Variants in TENM4 observed in about 807,000 individuals in gnomAD.
TENM4 encodes teneurin-4.
A neutral mutation model predicts 243.3 loss-of-function variants in TENM4; 82 were observed. That is an observed-to-expected ratio of 0.34 (90% confidence interval 0.28 to 0.40). The LOEUF (loss-of-function observed/expected upper bound fraction) is 0.40, where lower values mean the gene tolerates loss of function less well. Ranked by LOEUF, TENM4 falls within the 10% of genes least tolerant of loss-of-function variation. TENM4 has a pLI of 1.00. For synonymous variants in TENM4, 1,412 were observed against 1,456.3 expected (o/e 0.97, Z 0.69); for missense variants, 3,138 against 3,673.3 (o/e 0.85, Z 3.77).
chr11:78,744,119 T>C (rs965925510), intron 19 of TENM4, among the ~76,000 whole-genome samples: 11 of 152,228 alleles, frequency 7.2e-5, no homozygotes, highest in African/African-American at 2.7e-4. Flanking sequence ...TGTAAGAACA[T>C]TACCTGGGCC....
intron 4 of TENM4, among the ~76,000 whole-genome samples, chr11:79,083,277 G>A (rs4944222): frequency 0.26 from 40,222 of 152,120 alleles, 5,468 homozygotes; most frequent in East Asian, 0.4. Context: ...GCAAGCCTTC[G>A]GCCTCCGTGC....
At chr11:79,094,863 G>T (rs1861042457) in intron 4 of TENM4, among the ~76,000 whole-genome samples, 1 of 152,198 alleles carries the variant, frequency 6.6e-6, no homozygotes, top group South Asian at 2.1e-4. Context: ...CCTGATTTAC[G>T]AGGCTGCCTG....
At chr11:79,328,984 C>T (rs1331713062) in intron 1 of TENM4, among the ~76,000 whole-genome samples, 1 of 152,182 alleles carries the variant, frequency 6.6e-6, no homozygotes, top group Admixed American at 6.5e-5. Flanking sequence ...ACCGTCTCTA[C>T]AAAACTGTCC....
At chr11:78,799,713 C>G (rs1207322359) in intron 15 of TENM4, among the ~76,000 whole-genome samples, 1 of 152,234 alleles carries the variant, frequency 6.6e-6, no homozygotes, top group East Asian at 1.9e-4. Context: ...CACTGAATCT[C>G]TAAAACATCT....
chr11:78,738,122 G>A (rs1855840370), intron 20 of TENM4, among the ~76,000 whole-genome samples: 3 of 152,210 alleles, frequency 2.0e-5, no homozygotes, highest in African/African-American at 7.2e-5. Context: ...AACAGGAATG[G>A]CTGAGATTTC....
chr11:78,891,908 T>A (rs1237345304), intron 7 of TENM4, among the ~76,000 whole-genome samples: 1 of 152,150 alleles, frequency 6.6e-6, no homozygotes, highest in African/African-American at 2.4e-5. Flanking sequence ...TCTAAAGCCA[T>A]GGTTCTCCAA....
intron 3 of TENM4, among the ~76,000 whole-genome samples, chr11:79,165,148 G>T (rs1005521126): frequency 6.6e-6 from 1 of 151,920 alleles, no homozygotes. Flanking sequence ...TTTTCTCTGG[G>T]TATCTACCCA....
At chr11:79,301,245 T>G (rs1294106369) in intron 1 of TENM4, among the ~76,000 whole-genome samples, 1 of 152,228 alleles carries the variant, frequency 6.6e-6, no homozygotes, top group Non-Finnish European at 1.5e-5. Context: ...ATGTGTTCCT[T>G]TTCCTCACAA....
intron 1 of TENM4, among the ~76,000 whole-genome samples, chr11:79,399,886 A>T (rs481263): frequency 0.34 from 50,918 of 151,874 alleles, 8,429 homozygotes; most frequent in South Asian, 0.38. Context: ...CATGTATATA[A>T]AGTGCCCAGC....
At chr11:79,079,737 G>A (rs1188506868) in intron 4 of TENM4, among the ~76,000 whole-genome samples, 1 of 150,696 alleles carries the variant, frequency 6.6e-6, no homozygotes, top group African/African-American at 2.5e-5. Flanking sequence ...GCTGAGGCAT[G>A]AGAATTGCTT....
At chr11:79,304,794 G>A (rs997030208) in intron 1 of TENM4, among the ~76,000 whole-genome samples, 18 of 152,110 alleles carry the variant, frequency 1.2e-4, no homozygotes, top group African/African-American at 2.7e-4. Flanking sequence ...AGCTGCCTCC[G>A]CTGCAGGTGC....
At chr11:78,825,028 T>C (rs1324711995) in intron 12 of TENM4, among the ~76,000 whole-genome samples, 3 of 152,214 alleles carry the variant, frequency 2.0e-5, no homozygotes, top group African/African-American at 7.2e-5. Flanking sequence ...CTCCAGCCAC[T>C]CGCAAATGTA....
At chr11:79,338,266 G>C (rs1857186613) in intron 1 of TENM4, among the ~76,000 whole-genome samples, 1 of 152,228 alleles carries the variant, frequency 6.6e-6, no homozygotes, top group Admixed American at 6.5e-5. Context: ...TAGACAACAA[G>C]AAGAGCTGCT....
chr11:78,809,257 C>G (rs76769454), intron 14 of TENM4, among the ~76,000 whole-genome samples: 1 of 152,138 alleles, frequency 6.6e-6, no homozygotes, highest in Non-Finnish European at 1.5e-5. Flanking sequence ...AAGGAACTGA[C>G]GAGAGGCTAC....
intron 16 of TENM4, among the ~76,000 whole-genome samples, chr11:78,782,460 G>A (rs994354860): frequency 3.9e-5 from 6 of 152,312 alleles, no homozygotes; most frequent in Non-Finnish European, 7.4e-5. Flanking sequence ...AGCCAGGTGT[G>A]GTGGCGGGCG....
At chr11:78,716,978 A>AG (rs141644672) in intron 25 of TENM4, among the ~76,000 whole-genome samples, 2,789 of 152,306 alleles carry the variant, frequency 0.018, 96 homozygotes, top group African/African-American at 0.064. Context: ...CTGTGTGGAC[A>AG]GGGAGCATTT....
intron 6 of TENM4, among the ~76,000 whole-genome samples, chr11:78,990,411 G>A (rs577100653): frequency 2.0e-4 from 31 of 152,098 alleles, no homozygotes; most frequent in Middle Eastern, 3.4e-3. Context: ...GCACCCTGCC[G>A]CTGGCACAGA....
chr11:79,295,111 A>G (rs1397380208), intron 2 of TENM4, among the ~76,000 whole-genome samples: 2 of 152,176 alleles, frequency 1.3e-5, no homozygotes, highest in African/African-American at 4.8e-5. Context: ...CCAGCCCCAG[A>G]ACTGAGACGG....
At position 78,668,323 on chromosome 11, in the gene TENM4, T is replaced by C. The variant is rs144016969; in HGVS notation, c.7408+614A>G. ...TTAGTGGTTTCTCTAGGGTTTATAA[T>C]ACACATATTTAATTATAGGTAGATG... On this transcript the variant is annotated intron_variant, in intron 32 of 33. Coordinates refer to ENST00000278550, the MANE Select transcript of TENM4 (RefSeq NM_001098816.3). 3.0e-3 allele frequency among the ~76,000 whole-genome samples: 452 copies of C among 152,326 alleles called. 1 individual carries two copies. The highest frequency in any genetic ancestry group is 0.024 in the Middle Eastern group (7 of 294).
Sources: allele counts gnomAD v4.1 joint callset (sites outside exome capture counted in the v4.1 genomes callset), GRCh38; gene constraint gnomAD v4.1.1; transcripts MANE v1.5; gene names NCBI Gene and HGNC (gene_info 2026-07-23, HGNC 2026-07-21).